The following B9D1 variants were observed in gnomAD, a reference collection of about 807,000 sequenced individuals.
The protein encoded by B9D1 is B9 domain containing 1.
Under a neutral mutation model 26.1 loss-of-function variants are expected in B9D1, and 20 were observed. That is an observed-to-expected ratio of 0.77 (90% CI 0.54 to 1.12). The LOEUF is 1.12. B9D1 is among the 50% of genes most tolerant of loss of function. B9D1 has a pLI of 0.00. For missense variants in B9D1, 260 were observed against 273.7 expected, an observed-to-expected ratio of 0.95 and a Z score of 0.35; for synonymous variants, 105 against 103.1, an observed-to-expected ratio of 1.02 and a Z score of -0.11.
rs1910715303 is a variant in B9D1, at chr17:19,359,090, C to A, written c.133-1139G>T. 2.6e-5 allele frequency among the ~76,000 whole-genome samples: 4 copies of A among 152,238 alleles called. No individual in the cohort carries two copies. Among genetic ancestry groups the A allele is most frequent in the Admixed American group, 2.6e-4 (4 of 15,288 alleles). On this transcript the variant is annotated intron_variant, in intron 2 of 6. Transcript: ENST00000261499. The surrounding 1 kb of genome is among the most constrained non-coding windows in gnomAD (Gnocchi z 5.0). ...AGCCCCTCCCACCACCCCACTGCCACTGCCCTCCTCTCCCATCTCCACTGC... is the reference window on the plus strand; with the variant it reads ...AGCCCCTCCCACCACCCCACTGCCAATGCCCTCCTCTCCCATCTCCACTGC...
chr17:19,369,652 C>T (rs1567911691), intron 1 of B9D1, among the ~76,000 whole-genome samples: 1 of 152,022 alleles, frequency 6.6e-6, no homozygotes, highest in Non-Finnish European at 1.5e-5. Flanking sequence ...ATGTGGTCAT[C>T]CAGGTAGGTT....
downstream of B9D1, among the ~76,000 whole-genome samples, chr17:19,339,518 G>GT (rs1272275628): frequency 2.6e-5 from 4 of 152,124 alleles, no homozygotes; most frequent in South Asian, 4.1e-4. Flanking sequence ...TGTTTTTTCT[G>GT]TTTTTTGGCT....
chr17:19,343,949 A>G (rs1908345110), intron 5 of B9D1, 92 bp from the exon 6 acceptor site: 1 of 1,579,006 alleles, frequency 6.3e-7, no homozygotes. Context: ...TCGGTTCAGA[A>G]ACCAGCACTC....
At position 19,357,912 on chromosome 17, in the gene B9D1, G is replaced by A. The variant is rs1313878249; in HGVS notation, c.172C>T (p.Gln58Ter). Residue 58 changes from glutamine (Q) to a stop codon, truncating the protein, a stop_gained, in exon 3 of 7, where the codon CAA becomes TAA. Coordinates refer to ENST00000261499, the MANE Select transcript of B9D1 (RefSeq NM_015681.6). LOFTEE classifies it high-confidence loss of function. ...EGISQITSKS[Q>*]DVRQALVWNF... is the part of the protein sequence containing the mutation. ...CACACCAGTGCTTGCCGCACATCTT[G>A]GCTCTTGGATGTGATCTGTGAGATC... The A allele has an allele frequency of 1.9e-6, 3 of 1,614,114 alleles. No individual in the cohort carries two copies. Among genetic ancestry groups the A allele is most frequent in the Non-Finnish European group, 2.5e-6 (3 of 1,180,000 alleles).
At position 19,368,314 on chromosome 17, in the gene B9D1, C is replaced by T. The variant is rs78663749; in HGVS notation, c.-297-7926G>A. On this transcript the variant is annotated intron_variant, in intron 1 of 5. Transcript: ENST00000477478. ...GCGGGAATCCCTGGCCTTTCTAAAC[C>T]GTGACTCGGGCTAGGCATGCCCCCT... is the stretch of plus-strand genomic sequence containing the variant. 2.4e-3 allele frequency among the ~76,000 whole-genome samples: 366 copies of T among 152,330 alleles called. 3 individuals are homozygous for T. The highest frequency in any genetic ancestry group is 4.0e-3 in the Non-Finnish European group (275 of 68,018).
chr17:19,348,208 T>A (rs1430397848), intron 3 of B9D1, among the ~76,000 whole-genome samples: 1 of 152,094 alleles, frequency 6.6e-6, no homozygotes, highest in Non-Finnish European at 1.5e-5. Flanking sequence ...CCAGCTATGA[T>A]CAGGGCCGAC....
At chr17:19,355,673 C>T (rs866052780) in intron 3 of B9D1, among the ~76,000 whole-genome samples, 1 of 134,948 alleles carries the variant, frequency 7.4e-6, no homozygotes, top group African/African-American at 2.7e-5. Flanking sequence ...ACTAAAAATA[C>T]AAAAAAAAAA....
chr17:19,337,617 T>C, downstream of B9D1: 1 of 1,137,654 alleles, frequency 8.8e-7, no homozygotes, highest in South Asian at 1.3e-5. Context: ...TGCTCTTGGT[T>C]ACGCTGCAGT....
At chr17:19,375,221 C>T (rs1912049932) in intron 1 of B9D1, among the ~76,000 whole-genome samples, 1 of 150,792 alleles carries the variant, frequency 6.6e-6, no homozygotes, top group Non-Finnish European at 1.5e-5. Context: ...GCTTGGGAGG[C>T]GGAGGCTGCA....
chr17:19,360,641 A>T (rs1444567694), intron 1 of B9D1, among the ~76,000 whole-genome samples: 4 of 152,100 alleles, frequency 2.6e-5, no homozygotes, highest in Non-Finnish European at 4.4e-5. Context: ...CTTCATCCGG[A>T]AAACTCCTGC....
chr17:19,376,741 C>T lies in B9D1; in HGVS notation c.-298+1118G>A, dbSNP rs533090839. ...GGGGGAGGTTGCAGTGAGCCGAGAT[C>T]GCACCACTGCACTCCAGCCTGGGCA... On this transcript the variant is annotated intron_variant, in intron 1 of 5. Transcript: ENST00000477478. 1.3e-4 allele frequency among the ~76,000 whole-genome samples: 19 copies of T among 149,580 alleles called. No individual in the cohort carries two copies. In the South Asian group the frequency reaches 3.8e-3, roughly 30 times the overall value.
At chr17:19,364,906 T>G (rs1330268264), upstream of B9D1, among the ~76,000 whole-genome samples, 1 of 152,226 alleles carries the variant, frequency 6.6e-6, no homozygotes, top group African/African-American at 2.4e-5. The surrounding 1 kb of genome is among the most constrained non-coding windows in gnomAD (Gnocchi z 4.3). Context: ...GCAGAGCAGG[T>G]GTCAGCGCCA....
At chr17:19,342,880 C>T (rs997669287), downstream of B9D1, among the ~76,000 whole-genome samples, 56 of 152,302 alleles carry the variant, frequency 3.7e-4, no homozygotes, top group Admixed American at 2.9e-3. Context: ...CATGGCTGAA[C>T]GGGTGATTCT....
chr17:19,347,248 G>A lies in B9D1; in HGVS notation c.404+21C>T, dbSNP rs1908944049. ...CATCCAGTAGATCAGGAGGGGCTGG[G>A]GTTATGGGTACAAAACTCACCTTGT... is the stretch of plus-strand genomic sequence containing the variant. On this transcript the variant is annotated intron_variant, in intron 5 of 6. Coordinates refer to ENST00000261499, the MANE Select transcript of B9D1 (RefSeq NM_015681.6). This position sits in a 1 kb window ranked among gnomAD's most constrained non-coding sequence, Gnocchi z 4.3. 2 of 1,614,072 alleles carry A rather than the reference G, an allele frequency of 1.2e-6. No homozygotes were observed. Among genetic ancestry groups the A allele is most frequent in the Admixed American group, 1.7e-5 (1 of 60,006 alleles).
intron 1 of B9D1, among the ~76,000 whole-genome samples, chr17:19,373,587 C>T (rs988662483): frequency 6.6e-6 from 1 of 152,118 alleles, no homozygotes; most frequent in Non-Finnish European, 1.5e-5. Context: ...TTAGCAGAGA[C>T]AGGGTTTCAC....
At chr17:19,341,218 C>T (rs924644733), downstream of B9D1, 40 of 1,231,674 alleles carry the variant, frequency 3.2e-5, no homozygotes, top group African/African-American at 5.0e-4. Flanking sequence ...ACACCACAGG[C>T]TAGAGGCTTC....
At chr17:19,349,531 G>A (rs1036454494) in intron 3 of B9D1, among the ~76,000 whole-genome samples, 2 of 151,820 alleles carry the variant, frequency 1.3e-5, no homozygotes, top group African/African-American at 4.8e-5. Context: ...GACTATAGGC[G>A]TGTGCTGCCA....
At position 19,343,334 on chromosome 17, in the gene B9D1, C is replaced by T; in HGVS notation, c.600G>A (p.Gln200=). Residue 200 remains glutamine, a synonymous_variant, in exon 7 of 7, where the codon CAG becomes CAA. Transcript: ENST00000261499. The part of the protein sequence containing the change: ...TQGVLGPSPP[Q]SFPQ The stretch of plus-strand genomic sequence containing the variant: ...TGTGGAGCCTTCACTGGGGGAAGCT[C>T]TGGGGTGGGCTGGGCCCCAACACAC... 1 of 1,614,166 alleles carries T rather than the reference C, an allele frequency of 6.2e-7. No individual in the cohort carries two copies. The highest frequency in any genetic ancestry group is 2.2e-5 in the East Asian group (1 of 44,890).
At chr17:19,338,141 G>C (rs1225088930), downstream of B9D1, among the ~76,000 whole-genome samples, 1 of 152,216 alleles carries the variant, frequency 6.6e-6, no homozygotes, top group Non-Finnish European at 1.5e-5. Context: ...GCAGGGCAGG[G>C]GTCAGTACCC....
Sources: allele counts gnomAD v4.1 joint callset (sites outside exome capture counted in the v4.1 genomes callset), GRCh38; gene constraint gnomAD v4.1.1; non-coding constraint Gnocchi (gnomAD v3.1); transcripts MANE v1.5; gene names NCBI Gene and HGNC (gene_info 2026-07-23, HGNC 2026-07-21).